MTSS1: variants seen among roughly 807,000 people sequenced by gnomAD.
MTSS1 encodes protein MTSS 1.
In MTSS1, 18 loss-of-function variants were observed where a neutral mutation model predicts 79.0. The observed-to-expected ratio is 0.23, with a 90% confidence interval of 0.16 to 0.34. The LOEUF (loss-of-function observed/expected upper bound fraction) is 0.34. MTSS1 is among the 10% of genes least tolerant of loss of function. The pLI, the probability that MTSS1 is intolerant of heterozygous loss-of-function variation, is 1.00. For missense variants in MTSS1, 815 were observed against 986.2 expected (o/e 0.83, Z 2.33); for synonymous variants, 341 against 368.6 (o/e 0.93, Z 0.86).
At chr8:124,669,084 T>A (rs1738839605) in intron 3 of MTSS1, among the ~76,000 whole-genome samples, 1 of 152,132 alleles carries the variant, frequency 6.6e-6, no homozygotes, top group Non-Finnish European at 1.5e-5. Context: ...AAAAGATGGA[T>A]CTCTCAGTAA....
chr8:124,588,902 A>G (rs975389543), intron 5 of MTSS1, among the ~76,000 whole-genome samples: 2 of 152,124 alleles, frequency 1.3e-5, no homozygotes, highest in Non-Finnish European at 2.9e-5. Flanking sequence ...TTTAGTAGCC[A>G]TAGGGTTTCA....
chr8:124,657,505 AC>A (rs1821186958), intron 3 of MTSS1, among the ~76,000 whole-genome samples: 1 of 151,576 alleles, frequency 6.6e-6, no homozygotes, highest in South Asian at 2.1e-4. Context: ...GAGGACACAC[AC>A]TACTTAGTCA....
chr8:124,602,042 C>A (rs185715791), intron 3 of MTSS1, among the ~76,000 whole-genome samples: 1 of 151,556 alleles, frequency 6.6e-6, no homozygotes, highest in Non-Finnish European at 1.5e-5. Context: ...CAATGCTTTA[C>A]CCAAAGATTT....
chr8:124,572,138 C>G (rs1827924191), intron 6 of MTSS1, among the ~76,000 whole-genome samples: 1 of 152,006 alleles, frequency 6.6e-6, no homozygotes, highest in African/African-American at 2.4e-5. Context: ...CCACTGAACC[C>G]AGTGTTATCT....
chr8:124,577,971 G>T (rs1207907439), intron 6 of MTSS1, among the ~76,000 whole-genome samples: 2 of 152,226 alleles, frequency 1.3e-5, no homozygotes, highest in Non-Finnish European at 2.9e-5. Context: ...ATTCCTGTGG[G>T]TGAGTGCATA....
At chr8:124,596,291 G>A (rs1832749980) in intron 3 of MTSS1, among the ~76,000 whole-genome samples, 1 of 152,012 alleles carries the variant, frequency 6.6e-6, no homozygotes, top group South Asian at 2.1e-4. Context: ...GAACCAACGT[G>A]TTGCTAAAAG....
rs1026461608 is a variant in MTSS1, at chr8:124,614,096, T to C, written c.209-22861A>G. Among the ~76,000 whole-genome samples the C allele has an allele frequency of 1.9e-4, 27 of 144,000 alleles. 1 individual carries two copies. The highest frequency in any genetic ancestry group is 3.4e-3 in the Middle Eastern group (1 of 294). The allele number at this position is 144,000 out of a possible 152,430, so 94.5% of individuals were successfully genotyped here. A position where few individuals can be genotyped will look rare whatever the true frequency, so the allele number is the denominator to read the frequency against. On this transcript the variant is annotated intron_variant, in intron 3 of 13. Transcript: ENST00000518547. ...GGAGGATGGTTTAAGCCCAATAGGC[T>C]GAGGCTGTAATGAGCCATGATCATG...
intron 3 of MTSS1, among the ~76,000 whole-genome samples, chr8:124,596,931 A>T (rs977420219): frequency 1.3e-5 from 2 of 152,062 alleles, no homozygotes; most frequent in African/African-American, 2.4e-5. Context: ...GTCCTATTGG[A>T]TTAGGGCCCA....
chr8:124,725,748 T>G (rs952495286), intron 1 of MTSS1, among the ~76,000 whole-genome samples: 1 of 152,236 alleles, frequency 6.6e-6, no homozygotes, highest in Non-Finnish European at 1.5e-5. Flanking sequence ...ATTTAAAAAT[T>G]TTTAATTTCC....
At chr8:124,611,767 G>A (rs1835862674) in intron 3 of MTSS1, among the ~76,000 whole-genome samples, 2 of 152,192 alleles carry the variant, frequency 1.3e-5, no homozygotes, top group Non-Finnish European at 2.9e-5. Flanking sequence ...AGTTTACTTA[G>A]TACCTTATCA....
chr8:124,715,037 C>T (rs879388013), intron 1 of MTSS1, among the ~76,000 whole-genome samples: 1 of 152,228 alleles, frequency 6.6e-6, no homozygotes, highest in African/African-American at 2.4e-5. Flanking sequence ...GAGCAAAACA[C>T]CTAGTGGCTT....
At chr8:124,605,169 C>G (rs1277902967) in intron 3 of MTSS1, among the ~76,000 whole-genome samples, 2 of 152,188 alleles carry the variant, frequency 1.3e-5, no homozygotes, top group African/African-American at 2.4e-5. Flanking sequence ...ACATCTGCCA[C>G]CATGAACCCC....
At chr8:124,564,677 GGTCT>G (rs1297200742) in intron 9 of MTSS1, 1 of 70,210 alleles carries the variant, frequency 1.4e-5, no homozygotes, top group Non-Finnish European at 3.7e-5. Context: ...ACAATAAAAA[GGTCT>G]CTCTTTCACT....
At chr8:124,656,889 A>G (rs912823448) in intron 3 of MTSS1, among the ~76,000 whole-genome samples, 8 of 152,114 alleles carry the variant, frequency 5.3e-5, no homozygotes, top group Admixed American at 5.2e-4. Context: ...GGGATAGAGG[A>G]AGCTGTTAAA....
intron 3 of MTSS1, among the ~76,000 whole-genome samples, chr8:124,684,271 G>A (rs72714759): frequency 0.15 from 22,665 of 152,050 alleles, 1,926 homozygotes; most frequent in Admixed American, 0.27. Flanking sequence ...GTTCAATCTT[G>A]TCATTTTGCA....
chr8:124,551,822 T>C lies in MTSS1; in HGVS notation c.*1170A>G, dbSNP rs1169986339. On this transcript the variant is annotated 3_prime_UTR_variant, in exon 14 of 14. Coordinates refer to ENST00000518547, the MANE Select transcript of MTSS1 (RefSeq NM_014751.6). ...TGACAATAAACAAATCCTCCTCTCT[T>C]CAATGTTTACTGTAAAGCCAGTTAA... is the stretch of plus-strand genomic sequence containing the variant. The C allele has an allele frequency of 4.6e-5, 7 of 152,556 alleles. No homozygotes were observed. Among genetic ancestry groups the C allele is most frequent in the Non-Finnish European group, 1.0e-4 (7 of 68,022 alleles). 9.5% of individuals were successfully genotyped at this position (152,556 alleles called of 1,614,324 possible).
rs57744188 is a variant in MTSS1, at chr8:124,683,157, C to CA, written c.208+16368dup. Among the ~76,000 whole-genome samples the CA allele has an allele frequency of 4.6e-3, 623 of 134,030 alleles. 1 individual carries two copies. Among genetic ancestry groups the CA allele is most frequent in the African/African-American group, 0.015 (540 of 36,142 alleles). 87.9% of individuals were successfully genotyped at this position (134,030 alleles called of 152,430 possible). A position where few individuals can be genotyped will look rare whatever the true frequency, so the allele number is the denominator to read the frequency against. On this transcript the variant is annotated intron_variant, in intron 3 of 13. Coordinates refer to ENST00000518547, the MANE Select transcript of MTSS1 (RefSeq NM_014751.6). This position sits in a 1 kb window ranked among gnomAD's most constrained non-coding sequence, Gnocchi z 4.5. ...TGACAGCACTTCCATTTAAAGTAAG[C>CA]AAAAAAAAAAGAAAAAAAGTTTCTT...
intron 10 of MTSS1, chr8:124,558,759 G>T: frequency 6.3e-7 from 1 of 1,584,574 alleles, no homozygotes; most frequent in East Asian, 2.3e-5. Context: ...CGAGCTGACA[G>T]AGGTGGGGGA....
intron 8 of MTSS1, among the ~76,000 whole-genome samples, chr8:124,566,672 GGAGGGTTGACTTCTA>G (rs1826568869): frequency 6.6e-6 from 1 of 152,212 alleles, no homozygotes; most frequent in Non-Finnish European, 1.5e-5. Flanking sequence ...CGTGTTCTTA[GGAGGGTTGACTTCTA>G]GAGGGCAGAT....
Sources: gnomAD v4.1 joint callset for allele counts (sites outside exome capture counted in the v4.1 genomes callset) on GRCh38, gnomAD v4.1.1 for gene constraint, Gnocchi (gnomAD v3.1) non-coding constraint, MANE v1.5 for transcripts, NCBI Gene and HGNC (gene_info 2026-07-23, HGNC 2026-07-21) for gene names.